The following SAMD4A variants were observed in gnomAD, a reference collection of about 807,000 sequenced individuals.
The protein encoded by SAMD4A is sterile alpha motif domain containing 4A.
SAMD4A carries 33 observed loss-of-function variants against 81.3 expected under a neutral mutation model. That is an observed-to-expected ratio of 0.41 (90% CI 0.31 to 0.54). The LOEUF is 0.54. Ranked by LOEUF, SAMD4A falls within the 20% of genes least tolerant of loss-of-function variation. The probability of loss-of-function intolerance (pLI) is 0.37; values close to 1 mark genes in which losing one functional copy is unlikely to be tolerated. For missense variants in SAMD4A, 854 were observed against 951.1 expected, an observed-to-expected ratio of 0.90 and a Z score of 1.34; for synonymous variants, 389 against 382.1, an observed-to-expected ratio of 1.02 and a Z score of -0.21.
rs1345214310 is a variant in SAMD4A at position 54,702,202 on chromosome 14, A to G, written c.337A>G (p.Ile113Val). 9 of 1,614,058 alleles carry G rather than the reference A, an allele frequency of 5.6e-6. No homozygotes were observed. Among genetic ancestry groups the G allele is most frequent in the Middle Eastern group, 1.6e-4 (1 of 6,082 alleles). Reference protein sequence around the residue: ...KLLPKILAHSIEHNQHIEESR... With the variant: ...KLLPKILAHSVEHNQHIEESR... ...GCTGCCCAAAATCCTGGCTCACTCTATTGAACACAACCAGCACATTGAGGA... is the reference window on the plus strand; with the variant it reads ...GCTGCCCAAAATCCTGGCTCACTCTGTTGAACACAACCAGCACATTGAGGA... The change falls in exon 3 of 13, where the codon ATT (isoleucine) becomes GTT (valine). Residue 113 changes from isoleucine (I) to valine (V), a missense_variant. Ile to Val is a conservative substitution (Grantham distance 29). Coordinates refer to ENST00000554335, the MANE Select transcript of SAMD4A (RefSeq NM_015589.6).
In SAMD4A at chr14:54,732,165, T is replaced by C. The variant is rs1428194841; in HGVS notation, c.716-4859T>C. Among the ~76,000 whole-genome samples, 4 of 152,318 alleles carry C rather than the reference T, an allele frequency of 2.6e-5. No individual in the cohort carries two copies. In the East Asian group the frequency reaches 5.8e-4, roughly 22 times the overall value. On this transcript the variant is annotated intron_variant, in intron 3 of 12. Transcript: ENST00000554335. ...ATGAACGGTGTAAGTTAATAGCTAA[T>C]ATTTAAAAATCGGGGTCCCCATTAA...
intron 2 of SAMD4A, among the ~76,000 whole-genome samples, chr14:54,607,528 T>G (rs1213014288): frequency 2.0e-5 from 3 of 151,094 alleles, no homozygotes; most frequent in African/African-American, 7.3e-5. Flanking sequence ...CGATCTCTGC[T>G]CACTGCAAGC....
intron 2 of SAMD4A, among the ~76,000 whole-genome samples, chr14:54,611,870 C>G (rs1461289547): frequency 6.8e-6 from 1 of 147,398 alleles, no homozygotes. Flanking sequence ...GAGTGAGACT[C>G]TGTCTAAAAA....
rs112006233 is a variant in SAMD4A at position 54,622,528 on chromosome 14, C to T, written c.196+54416C>T. The stretch of plus-strand genomic sequence containing the variant: ...GTAATTCTGCTTTGGCACTGAAGAA[C>T]TTTGAAAAAATAGAAATAGCCCAGG... On this transcript the variant is annotated intron_variant, in intron 2 of 12. Transcript: ENST00000554335. Among the ~76,000 whole-genome samples, 190 of 152,318 alleles carry T rather than the reference C, an allele frequency of 1.2e-3. 1 individual carries two copies. Among genetic ancestry groups the T allele is most frequent in the African/African-American group, 4.3e-3 (178 of 41,574 alleles).
intron 2 of SAMD4A, among the ~76,000 whole-genome samples, chr14:54,612,711 C>T (rs933530219): frequency 6.6e-5 from 10 of 152,096 alleles, no homozygotes; most frequent in Admixed American, 5.9e-4. Context: ...TTGCACCCAC[C>T]CTCATCCATC....
At chr14:54,726,411 C>T (rs1037267531) in intron 3 of SAMD4A, among the ~76,000 whole-genome samples, 1 of 152,106 alleles carries the variant, frequency 6.6e-6, no homozygotes, top group African/African-American at 2.4e-5. Flanking sequence ...GCTAAAGAAC[C>T]TGAACAGAAT....
At chr14:54,595,419 TTA>T (rs955641809) in intron 2 of SAMD4A, among the ~76,000 whole-genome samples, 1 of 148,218 alleles carries the variant, frequency 6.7e-6, no homozygotes, top group African/African-American at 2.4e-5. Context: ...ATGTGTTTAT[TTA>T]TATATATATT....
chr14:54,617,506 G>A (rs901955371), intron 2 of SAMD4A, among the ~76,000 whole-genome samples: 10 of 151,908 alleles, frequency 6.6e-5, no homozygotes, highest in Non-Finnish European at 1.5e-4. Context: ...GAGCAAGGAA[G>A]ACATTTTAAG....
chr14:54,687,124 G>T (rs1316565052), intron 2 of SAMD4A, among the ~76,000 whole-genome samples: 1 of 152,128 alleles, frequency 6.6e-6, no homozygotes, highest in Non-Finnish European at 1.5e-5. Context: ...TAGACCTCAA[G>T]GTCAAGACAT....
chr14:54,737,229 C>T lies in SAMD4A; in HGVS notation c.921C>T (p.His307=). The T allele has an allele frequency of 1.9e-6, 3 of 1,614,084 alleles. No individual in the cohort carries two copies. The South Asian group carries it at 3.3e-5, about 18-fold the overall frequency. Residue 307 remains histidine (H), a synonymous_variant, in exon 4 of 13, where the codon CAC becomes CAT. Transcript: ENST00000554335. ...CTTCAGGAAGTGGTGGGAGTGAACA[C>T]TTAGAAGATCAGACCACTGCTCGTA... The part of the protein sequence containing the change: ...VASSGSGGSE[H]LEDQTTARNT...
intron 2 of SAMD4A, among the ~76,000 whole-genome samples, chr14:54,610,549 A>G (rs970417477): frequency 6.6e-6 from 1 of 152,172 alleles, no homozygotes; most frequent in Non-Finnish European, 1.5e-5. Context: ...TGCCTCTACA[A>G]CTGGGGGTTG....
chr14:54,772,060 A>C (rs1304103844), intron 9 of SAMD4A, among the ~76,000 whole-genome samples: 3 of 152,066 alleles, frequency 2.0e-5, no homozygotes, highest in Non-Finnish European at 4.4e-5. Flanking sequence ...AATGTTTTAT[A>C]CTCATAAGTA....
intron 2 of SAMD4A, among the ~76,000 whole-genome samples, chr14:54,656,159 CT>C (rs2035516280): frequency 6.6e-6 from 1 of 152,164 alleles, no homozygotes; most frequent in Admixed American, 6.5e-5. Context: ...GAGTCTTACC[CT>C]TTAACTTTCC....
At chr14:54,621,623 C>T (rs1254305991) in intron 2 of SAMD4A, among the ~76,000 whole-genome samples, 1 of 104,978 alleles carries the variant, frequency 9.5e-6, no homozygotes, top group Non-Finnish European at 2.0e-5. Flanking sequence ...CAGCTTCCCA[C>T]AGTGCTGGGA....
At chr14:54,599,355 A>G (rs2033994799) in intron 2 of SAMD4A, among the ~76,000 whole-genome samples, 1 of 152,128 alleles carries the variant, frequency 6.6e-6, no homozygotes, top group Non-Finnish European at 1.5e-5. Context: ...GAAACTGACA[A>G]CTTTTTATCT....
chr14:54,682,200 G>A (rs1349063185), intron 2 of SAMD4A: 1 of 321,184 alleles, frequency 3.1e-6, no homozygotes, highest in Non-Finnish European at 4.5e-6. Flanking sequence ...GAGTTTATAG[G>A]GGAAGAGTCC....
At chr14:54,626,063 CGCGCGCGCGCGCGAGT>C (rs1451483964) in intron 2 of SAMD4A, among the ~76,000 whole-genome samples, 2 of 93,052 alleles carry the variant, frequency 2.1e-5, no homozygotes, top group African/African-American at 1.0e-4. Context: ...TGTGTGTGCG[CGCGCGCGCGCGCGAGT>C]GCGCACATGT....
intron 3 of SAMD4A, among the ~76,000 whole-genome samples, chr14:54,727,351 G>A (rs1416089558): frequency 1.3e-5 from 2 of 151,380 alleles, no homozygotes; most frequent in African/African-American, 2.4e-5. Context: ...CACCATGCCT[G>A]GCTAATTTTT....
chr14:54,601,141 T>G (rs2034042609), intron 2 of SAMD4A, among the ~76,000 whole-genome samples: 1 of 152,224 alleles, frequency 6.6e-6, no homozygotes, highest in Non-Finnish European at 1.5e-5. Flanking sequence ...GCTTCCACAT[T>G]TCAATTTCAT....
Sources: gnomAD v4.1 joint callset for allele counts (sites outside exome capture counted in the v4.1 genomes callset) on GRCh38, gnomAD v4.1.1 for gene constraint, MANE v1.5 for transcripts, NCBI Gene and HGNC (gene_info 2026-07-23, HGNC 2026-07-21) for gene names.